Variants in PFDN1 observed in about 807,000 individuals in gnomAD.
PFDN1 encodes the protein prefoldin 1.
PFDN1 carries 6 observed loss-of-function variants against 17.3 expected under a neutral mutation model. The observed-to-expected ratio is 0.35, with a 90% confidence interval of 0.19 to 0.69. The LOEUF is 0.69. Among genes scored for constraint, PFDN1 ranks in the 30% least tolerant of loss-of-function variants. The pLI, the probability that PFDN1 is intolerant of heterozygous loss-of-function variation, is 0.65. For synonymous variants in PFDN1, 58 were observed against 50.1 expected (o/e 1.16, Z -0.67); for missense variants, 113 against 146.2 (o/e 0.77, Z 1.17).
intron 2 of PFDN1, among the ~76,000 whole-genome samples, chr5:140,291,557 G>C (rs1474921126): frequency 6.6e-6 from 1 of 152,052 alleles, no homozygotes; most frequent in Non-Finnish European, 1.5e-5. Context: ...CAAGTCTGGA[G>C]TTCAGAGAAG....
intron 2 of PFDN1, among the ~76,000 whole-genome samples, chr5:140,292,160 C>A (rs1208185622): frequency 6.6e-6 from 1 of 152,178 alleles, no homozygotes; most frequent in African/African-American, 2.4e-5. Context: ...CACTTTTACT[C>A]TGGCTTCATC....
intron 2 of PFDN1, among the ~76,000 whole-genome samples, chr5:140,300,143 G>A (rs567819153): frequency 1.4e-4 from 22 of 152,182 alleles, no homozygotes; most frequent in African/African-American, 5.3e-4. Context: ...GGGTTCAAGC[G>A]ACTCTCCTGC....
chr5:140,281,575 T>A, intron 2 of PFDN1, 42 bp from the exon 3 acceptor site: 1 of 985,516 alleles, frequency 1.0e-6, no homozygotes, highest in Non-Finnish European at 1.6e-6. Flanking sequence ...CACATGACTA[T>A]TGAATTCATC....
intron 3 of PFDN1, among the ~76,000 whole-genome samples, chr5:140,279,477 T>A (rs1180885010): frequency 6.6e-6 from 1 of 151,916 alleles, no homozygotes; most frequent in East Asian, 1.9e-4. Flanking sequence ...CCTGTGGCAA[T>A]TTCACCTTGA....
intron 3 of PFDN1, among the ~76,000 whole-genome samples, chr5:140,250,558 C>T (rs995694311): frequency 2.8e-4 from 43 of 152,196 alleles, no homozygotes; most frequent in Admixed American, 8.5e-4. Context: ...CCTTATGAGA[C>T]GGAAAGGTCC....
chr5:140,246,101 G>A (rs376876150), intron 3 of PFDN1, 44 bp from the exon 4 acceptor site: 2 of 1,191,404 alleles, frequency 1.7e-6, no homozygotes, highest in Admixed American at 2.0e-5. Flanking sequence ...AGAGTGAATG[G>A]GCCGGGCTGG....
Position 140,245,080 on chromosome 5 carries a change from T to C in PFDN1, c.*894A>G. ...CAAATGTAGTAATTAGGGATGCATT[T>C]TGAATATTTATTGTCCTTGTTTTTA... On this transcript the variant is annotated 3_prime_UTR_variant, in exon 4 of 4. Transcript: ENST00000261813. 4.8e-6 allele frequency: 1 copy of C among 209,620 alleles called. No homozygotes were observed. The highest frequency in any genetic ancestry group is 5.3e-5 in the Admixed American group (1 of 18,700). The allele number at this position is 209,620 out of a possible 1,614,324, so 13.0% of individuals were successfully genotyped here.
chr5:140,256,248 C>T (rs1764984063), intron 3 of PFDN1, among the ~76,000 whole-genome samples: 1 of 152,024 alleles, frequency 6.6e-6, no homozygotes, highest in Non-Finnish European at 1.5e-5. Flanking sequence ...GGTGTGGTGG[C>T]TCACACCTGT....
At chr5:140,259,257 A>G (rs1765030378) in intron 3 of PFDN1, among the ~76,000 whole-genome samples, 1 of 152,208 alleles carries the variant, frequency 6.6e-6, no homozygotes, top group Non-Finnish European at 1.5e-5. Flanking sequence ...AAGGAAAGCT[A>G]GCAGACATTT....
intron 2 of PFDN1, among the ~76,000 whole-genome samples, chr5:140,286,599 G>A (rs1765495902): frequency 1.2e-4 from 1 of 8,044 alleles, no homozygotes; most frequent in African/African-American, 3.7e-4. Context: ...TTTTTTTGCG[G>A]GGGGGGGGGG....
chr5:140,274,952 T>C (rs13353827), intron 3 of PFDN1, among the ~76,000 whole-genome samples: 72,286 of 144,674 alleles, frequency 0.5, 17,863 homozygotes, highest in South Asian at 0.71. Context: ...GAGATTGTGA[T>C]ACTGCACCCC....
chr5:140,261,401 A>G (rs1207427090), intron 3 of PFDN1, among the ~76,000 whole-genome samples: 2 of 152,236 alleles, frequency 1.3e-5, no homozygotes, highest in African/African-American at 4.8e-5. Flanking sequence ...AAGGTACTGT[A>G]GTAGAGCCAA....
At chr5:140,263,165 G>A (rs557530329) in intron 3 of PFDN1, among the ~76,000 whole-genome samples, 49 of 152,286 alleles carry the variant, frequency 3.2e-4, no homozygotes, top group African/African-American at 1.2e-3. Flanking sequence ...TTTTCTGATG[G>A]GCTTGTTTGG....
intron 2 of PFDN1, among the ~76,000 whole-genome samples, chr5:140,286,610 G>GTT (rs1765497123): frequency 2.0e-5 from 1 of 50,348 alleles, no homozygotes; most frequent in African/African-American, 7.0e-5. Context: ...GGGGGGGGGG[G>GTT]GGGGGGGGGG....
At chr5:140,298,518 T>C (rs1765686651) in intron 2 of PFDN1, among the ~76,000 whole-genome samples, 2 of 152,040 alleles carry the variant, frequency 1.3e-5, no homozygotes. Flanking sequence ...CTCACTGTAA[T>C]GGAATGTGAC....
chr5:140,302,952 G>T lies in PFDN1; in HGVS notation c.33+89C>A, dbSNP rs1045770591. 55 of 955,700 alleles carry T rather than the reference G, an allele frequency of 5.8e-5. No homozygotes were observed. The Admixed American group carries it at 8.6e-4, about 15-fold the overall frequency. The allele number at this position is 955,700 out of a possible 1,614,324, so 59.2% of individuals were successfully genotyped here. A position where few individuals can be genotyped will look rare whatever the true frequency, so the allele number is the denominator to read the frequency against. Reference sequence around the variant, plus strand: ...AGTCCACTGGACCCTCCTTCCTTCTGCAAGGCTCGTGCCTCACTTGATATT... The same window carrying T: ...AGTCCACTGGACCCTCCTTCCTTCTTCAAGGCTCGTGCCTCACTTGATATT... On this transcript the variant is annotated intron_variant, in intron 1 of 3. Coordinates refer to ENST00000261813, the MANE Select transcript of PFDN1 (RefSeq NM_002622.5).
At chr5:140,263,075 G>A (rs1460608987) in intron 3 of PFDN1, among the ~76,000 whole-genome samples, 2 of 152,222 alleles carry the variant, frequency 1.3e-5, no homozygotes, top group African/African-American at 2.4e-5. Flanking sequence ...TTTCATAAGG[G>A]ATAAATGTTT....
At chr5:140,290,400 C>T (rs921157177) in intron 2 of PFDN1, among the ~76,000 whole-genome samples, 30 of 152,232 alleles carry the variant, frequency 2.0e-4, no homozygotes, top group African/African-American at 6.7e-4. Context: ...TTCCTGTAGC[C>T]AAGCTGATGA....
At position 140,276,358 on chromosome 5, in the gene PFDN1, GAAGT is replaced by G. The variant is rs1439909245; in HGVS notation, c.285+5087_285+5090del. 3.3e-5 allele frequency among the ~76,000 whole-genome samples: 5 copies of G among 152,294 alleles called. No individual in the cohort carries two copies. In the South Asian group the frequency reaches 6.2e-4, roughly 19 times the overall value. ...AGGAATCAGAAAATGGTTCTCAGGA[GAAGT>G]AATTCTATGCTAAGATCTGAAGGAT... is the stretch of plus-strand genomic sequence containing the variant. On this transcript the variant is annotated intron_variant, in intron 3 of 3. Coordinates refer to ENST00000261813, the MANE Select transcript of PFDN1 (RefSeq NM_002622.5).
Sources: gnomAD v4.1 joint callset for allele counts (sites outside exome capture counted in the v4.1 genomes callset) on GRCh38, gnomAD v4.1.1 for gene constraint, MANE v1.5 for transcripts, NCBI Gene and HGNC (gene_info 2026-07-23, HGNC 2026-07-21) for gene names.